POU2AF2: variants seen among roughly 807,000 people sequenced by gnomAD.
The protein encoded by POU2AF2 is POU domain class 2-associating factor 2.
At chr11:111,247,049 T>C in the POU2AF2 span, among the ~76,000 whole-genome samples, 3 of 152,178 alleles carry the variant, frequency 2.0e-5, no homozygotes, top group Admixed American at 6.5e-5. Context: ...CACATTCAAG[T>C]GAGATCATGC....
At chr11:111,280,063 T>A in the POU2AF2 span, among the ~76,000 whole-genome samples, 1,182 of 123,992 alleles carry the variant, frequency 9.5e-3, 17 homozygotes, top group African/African-American at 0.031. Context: ...AAAAAATATA[T>A]ATATATATAT....
chr11:111,275,479 G>A, the POU2AF2 span, among the ~76,000 whole-genome samples: 1 of 152,182 alleles, frequency 6.6e-6, no homozygotes, highest in Non-Finnish European at 1.5e-5. Context: ...AGGGTTGGGA[G>A]GCTGAACCTT....
chr11:111,255,970 C>G, the POU2AF2 span: 1 of 399,236 alleles, frequency 2.5e-6, no homozygotes, highest in Admixed American at 4.4e-5. Flanking sequence ...TGTGACTATT[C>G]CATTTGCTTA....
chr11:111,284,496 A>G, the POU2AF2 span: 1 of 1,253,054 alleles, frequency 8.0e-7, no homozygotes, highest in Non-Finnish European at 1.1e-6. Flanking sequence ...TAGACTCCAG[A>G]GGCTGCTTTG....
the POU2AF2 span, among the ~76,000 whole-genome samples, chr11:111,266,920 GC>G: frequency 6.6e-6 from 1 of 152,158 alleles, no homozygotes; most frequent in Non-Finnish European, 1.5e-5. Context: ...GGATGGGTGA[GC>G]TTTGGAGTGG....
At chr11:111,278,964 G>A in the POU2AF2 span, among the ~76,000 whole-genome samples, 3 of 152,254 alleles carry the variant, frequency 2.0e-5, no homozygotes, top group African/African-American at 7.2e-5. Flanking sequence ...TGTAATCATT[G>A]AATGAGACTC....
At chr11:111,257,526 G>C in the POU2AF2 span, among the ~76,000 whole-genome samples, 14 of 151,870 alleles carry the variant, frequency 9.2e-5, no homozygotes, top group African/African-American at 3.4e-4. Context: ...CTGCCACCAC[G>C]CCCCACTAAT....
At chr11:111,275,848 A>T in the POU2AF2 span, among the ~76,000 whole-genome samples, 2 of 152,364 alleles carry the variant, frequency 1.3e-5, no homozygotes, top group East Asian at 3.9e-4. Context: ...ATATAAAATC[A>T]TGAATATAAA....
At chr11:111,247,446 T>C in the POU2AF2 span, among the ~76,000 whole-genome samples, 1 of 152,192 alleles carries the variant, frequency 6.6e-6, no homozygotes, top group African/African-American at 2.4e-5. Flanking sequence ...ATATGTTAAC[T>C]GATTTGACCT....
At chr11:111,268,879 T>G in the POU2AF2 span, among the ~76,000 whole-genome samples, 1 of 152,116 alleles carries the variant, frequency 6.6e-6, no homozygotes, top group Non-Finnish European at 1.5e-5. Flanking sequence ...CTTAGCTTTT[T>G]ATTTCTTTCC....
At chr11:111,276,479 T>C in the POU2AF2 span, among the ~76,000 whole-genome samples, 2 of 122,960 alleles carry the variant, frequency 1.6e-5, no homozygotes, top group Non-Finnish European at 3.3e-5. Context: ...TATATATATA[T>C]ATATGTACAA....
At chr11:111,277,175 G>A in the POU2AF2 span, among the ~76,000 whole-genome samples, 1 of 152,150 alleles carries the variant, frequency 6.6e-6, no homozygotes, top group African/African-American at 2.4e-5. Context: ...AATATACATG[G>A]TAAAATTGTA....
At chr11:111,267,651 G>A in the POU2AF2 span, among the ~76,000 whole-genome samples, 1 of 152,182 alleles carries the variant, frequency 6.6e-6, no homozygotes, top group East Asian at 1.9e-4. Context: ...GGCTGGAAGA[G>A]ATTCCTGAGC....
At chr11:111,264,492 GAAAGAAAGAAAGAAAGAAAGA>G in the POU2AF2 span, among the ~76,000 whole-genome samples, 1 of 4,774 alleles carries the variant, frequency 2.1e-4, no homozygotes, top group South Asian at 0.022. Context: ...CAAGACTCAC[GAAAGAAAGAAAGAAAGAAAGA>G]AAGAAAGAAA....
chr11:111,280,057 A>AAATATATATATATAT, the POU2AF2 span, among the ~76,000 whole-genome samples: 608 of 76,406 alleles, frequency 8.0e-3, 3 homozygotes, highest in Non-Finnish European at 0.012. Context: ...AAAAAAAAAA[A>AAATATATATATATAT]ATATATATAT....
At chr11:111,268,483 TTTTATTTTATTTTATTTTATTTTA>T in the POU2AF2 span, among the ~76,000 whole-genome samples, 2 of 37,988 alleles carry the variant, frequency 5.3e-5, no homozygotes, top group African/African-American at 1.5e-4. Context: ...TCTTTTTTTA[TTTTATTTTATTTTATTTTATTTTA>T]TTTTATTTTA....
At chr11:111,259,221 G>C in the POU2AF2 span, among the ~76,000 whole-genome samples, 1 of 151,712 alleles carries the variant, frequency 6.6e-6, no homozygotes, top group Non-Finnish European at 1.5e-5. Context: ...CCAGTTTACA[G>C]ATGAGTGCAT....
the POU2AF2 span, among the ~76,000 whole-genome samples, chr11:111,247,056 A>G: frequency 6.6e-6 from 1 of 152,114 alleles, no homozygotes; most frequent in East Asian, 1.9e-4. Flanking sequence ...AAGTGAGATC[A>G]TGCAATATTT....
the POU2AF2 span, among the ~76,000 whole-genome samples, chr11:111,248,696 G>A: frequency 1.1e-3 from 173 of 151,678 alleles, no homozygotes; most frequent in Admixed American, 1.8e-3. Context: ...ATTCCCTTAC[G>A]TAAAGTCACA....
Sources: gnomAD v4.1 joint callset for allele counts (sites outside exome capture counted in the v4.1 genomes callset) on GRCh38, gnomAD v4.1.1 for gene constraint, MANE v1.5 for transcripts, NCBI Gene and HGNC (gene_info 2026-07-23, HGNC 2026-07-21) for gene names.